Variants in GTPBP4 observed in about 807,000 individuals in gnomAD.
GTPBP4 encodes the protein GTP-binding protein 4.
GTPBP4 carries 15 observed loss-of-function variants against 81.7 expected under a neutral mutation model. The observed-to-expected ratio is 0.18, with a 90% CI of 0.12 to 0.28. GTPBP4 has a LOEUF of 0.28. Among genes scored for constraint, GTPBP4 ranks in the 10% least tolerant of loss-of-function variants. GTPBP4 has a pLI of 1.00. For synonymous variants in GTPBP4, 272 were observed against 274.6 expected, an observed-to-expected ratio of 0.99 and a Z score of 0.09; for missense variants, 847 against 793.8, an observed-to-expected ratio of 1.07 and a Z score of -0.81.
intron 5 of GTPBP4, among the ~76,000 whole-genome samples, chr10:998,105 A>T (rs969880721): frequency 1.3e-5 from 2 of 151,842 alleles, no homozygotes; most frequent in Non-Finnish European, 2.9e-5. Context: ...TTTTGTTGAA[A>T]CTTTTTCTTT....
intron 1 of GTPBP4, chr10:988,862 C>T (rs1213525039): frequency 7.2e-6 from 2 of 276,482 alleles, no homozygotes; most frequent in African/African-American, 4.4e-5. Context: ...GGGACCCCGA[C>T]ATGTGAGGGA....
At chr10:994,541 G>GATTACAGA (rs1831505489) in intron 2 of GTPBP4, among the ~76,000 whole-genome samples, 3 of 152,182 alleles carry the variant, frequency 2.0e-5, no homozygotes, top group Admixed American at 2.0e-4. Context: ...AAAGTGCTGG[G>GATTACAGA]ATTACAGACA....
Position 997,272 on chromosome 10 carries a change from G to A in GTPBP4, c.525G>A (p.Gly175=). 3 of 1,606,724 alleles carry A rather than the reference G, an allele frequency of 1.9e-6. No homozygotes were observed. The highest frequency in any genetic ancestry group is 2.6e-6 in the Non-Finnish European group (3 of 1,173,284). The change falls in exon 5 of 17, where the codon GGG becomes GGA. Residue 175 remains glycine, a synonymous_variant. Transcript: ENST00000360803. The part of the protein sequence containing the change: ...DPNTRTLLLC[G]YPNVGKSSFI... The stretch of plus-strand genomic sequence containing the variant: ...ATACCAGGACCCTGCTTTTGTGTGG[G>A]TACCCAAATGTTGGGAAGTCCAGCT...
intron 5 of GTPBP4, among the ~76,000 whole-genome samples, chr10:998,627 C>G (rs1437400337): frequency 6.6e-6 from 1 of 152,218 alleles, no homozygotes; most frequent in African/African-American, 2.4e-5. Flanking sequence ...AAAATTTCAA[C>G]TCCTCAGTCA....
intron 10 of GTPBP4, chr10:1,007,887 A>C: frequency 1.9e-6 from 1 of 516,648 alleles, no homozygotes; most frequent in Non-Finnish European, 3.9e-6. Flanking sequence ...GGCCTTTTCA[A>C]AGTTCTTTAG....
rs985497048 is a variant in GTPBP4, at chr10:1,017,409, A to G, written c.*182A>G. ...AGGTGTGGGAAATTTTTGTCACTGC[A>G]TAATATTACAAATATTTTGAGTAGA... On this transcript the variant is annotated 3_prime_UTR_variant, in exon 17 of 17. Transcript: ENST00000360803. 2.2e-6 allele frequency: 1 copy of G among 463,226 alleles called. No individual in the cohort carries two copies. Among genetic ancestry groups the G allele is most frequent in the African/African-American group, 2.0e-5 (1 of 50,586 alleles). 28.7% of individuals were successfully genotyped at this position (463,226 alleles called of 1,614,324 possible).
intron 1 of GTPBP4, among the ~76,000 whole-genome samples, chr10:989,313 C>T (rs1001465767): frequency 6.6e-6 from 1 of 152,092 alleles, no homozygotes; most frequent in African/African-American, 2.4e-5. Flanking sequence ...CGGGGTTTCA[C>T]CACGTTGGCC....
At chr10:1,007,633 G>A (rs984396830) in intron 10 of GTPBP4, among the ~76,000 whole-genome samples, 1 of 152,168 alleles carries the variant, frequency 6.6e-6, no homozygotes, top group African/African-American at 2.4e-5. Flanking sequence ...ACATCGTTAC[G>A]CTGTGTCTTC....
intron 8 of GTPBP4, among the ~76,000 whole-genome samples, chr10:1,005,561 G>A (rs917085387): frequency 8.5e-5 from 13 of 152,140 alleles, no homozygotes; most frequent in Non-Finnish European, 1.6e-4. Flanking sequence ...GTAGTTGTTC[G>A]TTATTCTGAT....
At chr10:1,017,050 CT>C (rs1308967268) in intron 16 of GTPBP4, 24 bp from the exon 17 acceptor site, 1 of 1,597,096 alleles carries the variant, frequency 6.3e-7, no homozygotes. Flanking sequence ...AATGAACATA[CT>C]TTATTTTTTT....
intron 10 of GTPBP4, among the ~76,000 whole-genome samples, chr10:1,007,619 G>A (rs1831767168): frequency 1.3e-5 from 2 of 152,144 alleles, no homozygotes; most frequent in South Asian, 4.1e-4. Flanking sequence ...TTGTGAATGG[G>A]CACACATCGT....
chr10:991,577 T>G (rs1404733439), intron 1 of GTPBP4, among the ~76,000 whole-genome samples: 1 of 152,238 alleles, frequency 6.6e-6, no homozygotes, highest in Non-Finnish European at 1.5e-5. Context: ...GATTGTTTCT[T>G]TTTCTCAACT....
Position 1,015,807 on chromosome 10 carries a change from C to T in GTPBP4, c.1663C>T (p.Arg555Trp), listed in dbSNP as rs376755049. The T allele has an allele frequency of 5.0e-5, 80 of 1,613,852 alleles. No homozygotes were observed. The highest frequency in any genetic ancestry group is 1.6e-4 in the Middle Eastern group (1 of 6,084). The change falls in exon 16 of 17, where the codon CGG (arginine) becomes TGG (tryptophan). Residue 555 changes from arginine (R) to tryptophan (W), a missense_variant. Transcript: ENST00000360803. The part of the protein sequence containing the change: ...RSRSITRKRK[R>W]EDSAPPSSVA... Reference sequence around the variant, plus strand: ...CCGGAGCATCACTAGGAAAAGAAAGCGGGAAGACTCTGCTCCCCCGTCCTC... The same window carrying T: ...CCGGAGCATCACTAGGAAAAGAAAGTGGGAAGACTCTGCTCCCCCGTCCTC...
intron 13 of GTPBP4, 93 bp from the exon 14 acceptor site, chr10:1,012,372 G>A (rs1267277175): frequency 2.4e-6 from 2 of 850,202 alleles, no homozygotes; most frequent in African/African-American, 1.7e-5. Context: ...TCTGAGTCAG[G>A]GAAACAAAGC....
intron 2 of GTPBP4, 25 bp downstream of exon 2, chr10:992,684 G>C (rs1440378437): frequency 1.3e-6 from 2 of 1,481,492 alleles, no homozygotes; most frequent in African/African-American, 2.8e-5. Context: ...GGACTTCTGT[G>C]GTTATGTAAA....
intron 16 of GTPBP4, among the ~76,000 whole-genome samples, chr10:1,016,820 G>T (rs868520993): frequency 6.6e-6 from 1 of 152,100 alleles, no homozygotes; most frequent in Middle Eastern, 3.4e-3. Context: ...GGGCTTAAGA[G>T]AAAAGAGATG....
At chr10:988,849 A>AGGGGGACCCCG in intron 1 of GTPBP4, 1 of 296,596 alleles carries the variant, frequency 3.4e-6, no homozygotes, top group Non-Finnish European at 6.3e-6. Flanking sequence ...GGGCGAGTGG[A>AGGGGGACCCCG]GGGGGACCCC....
rs368911024 is a variant in GTPBP4, at chr10:1,019,500, C to T, written c.*2273C>T. The T allele has an allele frequency of 6.3e-7, 1 of 1,598,434 alleles. No homozygotes were observed. Among genetic ancestry groups the T allele is most frequent in the Non-Finnish European group, 8.5e-7 (1 of 1,170,388 alleles). On this transcript the variant is annotated 3_prime_UTR_variant, in exon 17 of 17. Coordinates refer to ENST00000360803, the MANE Select transcript of GTPBP4 (RefSeq NM_012341.3). ...CACTGAGGGCATTACACATGGCTGACTCGACCTCCCTGCCTCTCACACTCT... is the reference window on the plus strand; with the variant it reads ...CACTGAGGGCATTACACATGGCTGATTCGACCTCCCTGCCTCTCACACTCT...
intron 1 of GTPBP4, 48 bp from the exon 2 acceptor site, chr10:992,441 A>G (rs1196929683): frequency 1.6e-6 from 2 of 1,228,618 alleles, no homozygotes; most frequent in Admixed American, 4.2e-5. Context: ...AAATGGCTCA[A>G]AAGTAGACCC....
Sources: allele counts gnomAD v4.1 joint callset (sites outside exome capture counted in the v4.1 genomes callset), GRCh38; gene constraint gnomAD v4.1.1; transcripts MANE v1.5; gene names NCBI Gene and HGNC (gene_info 2026-07-23, HGNC 2026-07-21).